NAA25: variants seen among roughly 807,000 people sequenced by gnomAD.
NAA25 encodes N-terminal acetyltransferase B complex subunit NAA25.
A neutral mutation model predicts 132.5 loss-of-function variants in NAA25; 30 were observed. That is an observed-to-expected ratio of 0.23 (90% CI 0.17 to 0.31). The LOEUF is 0.31. Among genes scored for constraint, NAA25 ranks in the 10% least tolerant of loss-of-function variants. NAA25 has a pLI of 1.00. For missense variants in NAA25, 771 were observed against 1,150.4 expected (o/e 0.67, Z 4.77); for synonymous variants, 359 against 401.9 (o/e 0.89, Z 1.28).
chr12:112,104,321 T>C (rs976230264), intron 1 of NAA25, among the ~76,000 whole-genome samples: 1 of 152,226 alleles, frequency 6.6e-6, no homozygotes. Context: ...TCCCATATTC[T>C]ATACAAATTT....
chr12:112,068,960 T>A lies in NAA25; in HGVS notation c.1069A>T (p.Lys357Ter). The A allele has an allele frequency of 6.2e-7, 1 of 1,612,636 alleles. No individual in the cohort carries two copies. The highest frequency in any genetic ancestry group is 1.7e-5 in the Admixed American group (1 of 59,962). ...DPEELMFQYFKKFGDKPCCFT... is the reference protein window; with the variant it reads ...DPEELMFQYF ...CAACAAGGTTTATCGCCAAACTTTT[T>A]AAAATACTGGAACATTAATTCTTCT... The change falls in exon 11 of 24, where the codon AAA becomes TAA. Residue 357 changes from lysine to a stop codon, truncating the protein, a stop_gained. Coordinates refer to ENST00000261745, the MANE Select transcript of NAA25 (RefSeq NM_024953.4). LOFTEE classifies it high-confidence loss of function.
chr12:112,081,213 T>C (rs951072504), intron 4 of NAA25, 79 bp from the exon 5 acceptor site: 2 of 1,216,570 alleles, frequency 1.6e-6, no homozygotes, highest in African/African-American at 3.1e-5. Flanking sequence ...CGACAAAAAG[T>C]TTCTTGGGAG....
At chr12:112,079,097 T>G (rs1361736836) in intron 5 of NAA25, among the ~76,000 whole-genome samples, 1 of 152,196 alleles carries the variant, frequency 6.6e-6, no homozygotes, top group Non-Finnish European at 1.5e-5. Context: ...CAGGTATCTT[T>G]GAGATGTTCA....
chr12:112,096,373 C>T (rs1453587635), intron 1 of NAA25, among the ~76,000 whole-genome samples: 3 of 152,156 alleles, frequency 2.0e-5, no homozygotes, highest in African/African-American at 7.2e-5. Context: ...AATCTATGAC[C>T]CTGGTGGCTC....
rs767350819 is a variant in NAA25 at position 112,054,442 on chromosome 12, A to G, written c.1574T>C (p.Val525Ala). Residue 525 changes from valine (V) to alanine (A), a missense_variant, in exon 14 of 24, where the codon GTG (valine) becomes GCG (alanine). Physicochemically the swap from Val to Ala is moderately conservative, Grantham distance 64. Around this residue, in one of 3 missense-constraint regions of NAA25, gnomAD observed 417 missense variants for 733.8 expected, o/e 0.57. Transcript: ENST00000261745. ...ATCGAGGCTGGAGTAAAGATCCACC[A>G]CTGGTTCAAATGCACCCAGCATACA... The part of the protein sequence containing the change: ...IYCMLGAFEP[V>A]VDLYSSLDAK... 4 of 1,614,154 alleles carry G rather than the reference A, an allele frequency of 2.5e-6. No homozygotes were observed. The South Asian group carries it at 4.4e-5, about 18-fold the overall frequency.
chr12:112,050,870 T>C (rs2078455531), intron 15 of NAA25, among the ~76,000 whole-genome samples: 1 of 152,176 alleles, frequency 6.6e-6, no homozygotes, highest in African/African-American at 2.4e-5. Context: ...CAAATACAAC[T>C]TTCAATCCCA....
Position 112,043,807 on chromosome 12 carries a change from G to A in NAA25, c.2068C>T (p.Arg690Ter). The change falls in exon 18 of 24, where the codon CGA becomes TGA. Residue 690 changes from arginine to a stop codon, truncating the protein, a stop_gained. Coordinates refer to ENST00000261745, the MANE Select transcript of NAA25 (RefSeq NM_024953.4). LOFTEE classifies it high-confidence loss of function. ...CTTATCAGCCTCAATGTTAAGGATC[G>A]GATTCTTAACCACAAGGTCTCCTCC... ...LEEETLWLRI[R>*]SLTLRLISGL... 6.2e-7 allele frequency: 1 copy of A among 1,613,846 alleles called. No individual in the cohort carries two copies.
chr12:112,101,431 G>C (rs570974445), intron 1 of NAA25, among the ~76,000 whole-genome samples: 1 of 152,214 alleles, frequency 6.6e-6, no homozygotes, highest in South Asian at 2.1e-4. Flanking sequence ...GGAAAAAAGG[G>C]CAGTCTGCTA....
chr12:112,029,630 A>G lies in NAA25; in HGVS notation c.2820T>C (p.Thr940=). Residue 940 remains threonine, a synonymous_variant, in exon 24 of 24, where the codon ACT becomes ACC. Transcript: ENST00000261745. ...AACTGCTCTGCACCTTCCCTTGCAC[A>G]GTCTTTGAAAATTTTCTCTCTTCCT... The part of the protein sequence containing the change: ...LSPEERKFSK[T]VQGKVQSSYL... The G allele has an allele frequency of 6.2e-7, 1 of 1,613,338 alleles. No individual in the cohort carries two copies. Among genetic ancestry groups the G allele is most frequent in the Non-Finnish European group, 8.5e-7 (1 of 1,179,770 alleles).
At position 112,027,854 on chromosome 12, in the gene NAA25, A is replaced by G. The variant is rs1317548644; in HGVS notation, c.*1677T>C. On this transcript the variant is annotated 3_prime_UTR_variant, in exon 24 of 24. Coordinates refer to ENST00000261745, the MANE Select transcript of NAA25 (RefSeq NM_024953.4). ...TACATGAAATTCAGAATTAACCACA[A>G]TTTTCCATTCATCTTGTTCAAGACA... 6.6e-6 allele frequency: 1 copy of G among 152,144 alleles called. No homozygotes were observed. The highest frequency in any genetic ancestry group is 1.9e-4 in the East Asian group (1 of 5,206). 9.4% of individuals were successfully genotyped at this position (152,144 alleles called of 1,614,324 possible).
chr12:112,105,057 C>A (rs2079342601), intron 1 of NAA25, among the ~76,000 whole-genome samples: 1 of 151,960 alleles, frequency 6.6e-6, no homozygotes. Context: ...CAGTGGCTCA[C>A]GCCTGTAACC....
At chr12:112,062,036 T>A (rs1479440239) in intron 11 of NAA25, among the ~76,000 whole-genome samples, 1 of 152,232 alleles carries the variant, frequency 6.6e-6, no homozygotes, top group African/African-American at 2.4e-5. Context: ...GTTCTAGTTA[T>A]GTATTTATTA....
At chr12:112,065,249 C>T (rs1192115503) in intron 11 of NAA25, among the ~76,000 whole-genome samples, 1 of 152,070 alleles carries the variant, frequency 6.6e-6, no homozygotes, top group Non-Finnish European at 1.5e-5. Flanking sequence ...GTAATCCCAG[C>T]ACTTTGGGAG....
chr12:112,042,128 A>G (rs1367040259), intron 19 of NAA25, 24 bp from the exon 20 acceptor site: 4 of 1,215,742 alleles, frequency 3.3e-6, no homozygotes, highest in Non-Finnish European at 4.5e-6. Context: ...ACAAAAAATG[A>G]AAAACTTTCA....
intron 21 of NAA25, 22 bp downstream of exon 21, chr12:112,040,459 T>C (rs752592853): frequency 1.4e-6 from 2 of 1,403,088 alleles, no homozygotes; most frequent in Non-Finnish European, 1.0e-6. Context: ...CAATGTCTTT[T>C]AGGAAGAGAA....
chr12:112,071,182 C>T (rs1294704419), intron 10 of NAA25, among the ~76,000 whole-genome samples: 1 of 151,614 alleles, frequency 6.6e-6, no homozygotes, highest in Non-Finnish European at 1.5e-5. Flanking sequence ...CCACATCCAC[C>T]CAATTTTTTG....
At chr12:112,070,182 G>T (rs550463207) in intron 10 of NAA25, among the ~76,000 whole-genome samples, 2 of 152,226 alleles carry the variant, frequency 1.3e-5, no homozygotes, top group African/African-American at 4.8e-5. Context: ...TATGAGCAAA[G>T]AATTACTGCT....
chr12:112,060,827 T>C (rs570550926), intron 12 of NAA25, among the ~76,000 whole-genome samples: 59 of 152,320 alleles, frequency 3.9e-4, no homozygotes, highest in Admixed American at 3.5e-3. Context: ...AATATTTATC[T>C]TACAATTTAC....
chr12:112,047,819 T>C, intron 16 of NAA25, 29 bp from the exon 17 acceptor site: 22 of 1,570,808 alleles, frequency 1.4e-5, no homozygotes, highest in Non-Finnish European at 1.7e-5. Context: ...CACATATTAT[T>C]TTAATAGTAA....
Sources: allele counts gnomAD v4.1 joint callset (sites outside exome capture counted in the v4.1 genomes callset), GRCh38; gene constraint gnomAD v4.1.1; regional missense constraint gnomAD v4.1.1; transcripts MANE v1.5; gene names NCBI Gene and HGNC (gene_info 2026-07-23, HGNC 2026-07-21).